Variants in FAM81B observed in about 807,000 individuals in gnomAD.
The protein encoded by FAM81B is family with sequence similarity 81 member B.
Under a neutral mutation model 58.7 loss-of-function variants are expected in FAM81B, and 60 were observed. That is an observed-to-expected ratio of 1.02 (90% CI 0.83 to 1.27). The LOEUF is 1.27. Ranked by LOEUF, FAM81B falls within the 50% of genes most tolerant of loss-of-function variation. The pLI, the probability that FAM81B is intolerant of heterozygous loss-of-function variation, is 0.00. For synonymous variants in FAM81B, 189 were observed against 179.6 expected (o/e 1.05, Z -0.42); for missense variants, 491 against 522.0 (o/e 0.94, Z 0.58).
chr5:95,403,987 A>C (rs1762179475), intron 3 of FAM81B, among the ~76,000 whole-genome samples: 1 of 152,192 alleles, frequency 6.6e-6, no homozygotes, highest in Non-Finnish European at 1.5e-5. Flanking sequence ...GGTATCTGCC[A>C]TACTGAGAAC....
At chr5:95,412,849 A>G (rs979015856) in intron 3 of FAM81B, among the ~76,000 whole-genome samples, 8 of 152,186 alleles carry the variant, frequency 5.3e-5, no homozygotes, top group Non-Finnish European at 1.5e-5. Context: ...AAAGATGGGG[A>G]CGATTTTCAA....
intron 3 of FAM81B, among the ~76,000 whole-genome samples, chr5:95,401,174 A>T (rs553975242): frequency 6.6e-6 from 1 of 152,188 alleles, no homozygotes; most frequent in Non-Finnish European, 1.5e-5. Flanking sequence ...TTGCAATCTT[A>T]CTAAAAATTT....
At chr5:95,427,253 G>A (rs189142164) in intron 5 of FAM81B, among the ~76,000 whole-genome samples, 132 of 152,186 alleles carry the variant, frequency 8.7e-4, no homozygotes, top group Non-Finnish European at 1.5e-3. Context: ...AGTCTTTGGG[G>A]GTCTTAATAT....
chr5:95,408,432 C>T (rs1328755040), intron 3 of FAM81B, among the ~76,000 whole-genome samples: 1 of 152,204 alleles, frequency 6.6e-6, no homozygotes, highest in Non-Finnish European at 1.5e-5. Context: ...GCAGCCCTCT[C>T]CTCAACATAG....
intron 3 of FAM81B, among the ~76,000 whole-genome samples, chr5:95,410,248 G>A (rs896371852): frequency 6.6e-6 from 1 of 152,172 alleles, no homozygotes; most frequent in African/African-American, 2.4e-5. Flanking sequence ...TGAGGGTAAA[G>A]GTCACATACT....
chr5:95,448,588 TC>T lies in FAM81B; in HGVS notation c.1225+126del, dbSNP rs1318186622. 10 of 889,308 alleles carry T rather than the reference TC, an allele frequency of 1.1e-5. No individual in the cohort carries two copies. The African/African-American group carries it at 1.4e-4, about 12-fold the overall frequency. 55.1% of individuals were successfully genotyped at this position (889,308 alleles called of 1,614,324 possible). A position where few individuals can be genotyped will look rare whatever the true frequency, so the allele number is the denominator to read the frequency against. On this transcript the variant is annotated intron_variant, in intron 9 of 9. Transcript: ENST00000283357. ...ATTAGTGACATCGTTATGTATTTAT[TC>T]CACTTTTCTAAATATCCTATAGAAT...
At chr5:95,432,665 C>T (rs1744949632) in intron 6 of FAM81B, among the ~76,000 whole-genome samples, 1 of 151,946 alleles carries the variant, frequency 6.6e-6, no homozygotes, top group Non-Finnish European at 1.5e-5. Flanking sequence ...CTATTTCCTT[C>T]AGATTTTGAA....
In FAM81B at chr5:95,409,349, G is replaced by A. The variant is rs982050150; in HGVS notation, c.294-4598G>A. 7.2e-5 allele frequency among the ~76,000 whole-genome samples: 11 copies of A among 151,862 alleles called. No individual in the cohort carries two copies. The East Asian group carries it at 2.1e-3, about 29-fold the overall frequency. ...AACTTTTCTATTTTTAGTAGAGATG[G>A]GGTTTCACCATGTTGGCCAGGCTGG... On this transcript the variant is annotated intron_variant, in intron 3 of 9. Coordinates refer to ENST00000283357, the MANE Select transcript of FAM81B (RefSeq NM_152548.3).
Position 95,439,236 on chromosome 5 carries a change from G to GTATATATATATATATATATA in FAM81B, c.893+2340_893+2359dup, listed in dbSNP as rs577076287. Reference sequence around the variant, plus strand: ...ATAGGCAAGCTTGCTAGGTTAAAGAGTATATATATATATATATATATATAT... The same window carrying GTATATATATATATATATATA: ...ATAGGCAAGCTTGCTAGGTTAAAGAGTATATATATATATATATATATATATATATATATATATATATATAT... On this transcript the variant is annotated intron_variant, in intron 7 of 9. Coordinates refer to ENST00000283357, the MANE Select transcript of FAM81B (RefSeq NM_152548.3). Among the ~76,000 whole-genome samples the GTATATATATATATATATATA allele has an allele frequency of 8.9e-3, 933 of 104,864 alleles. 21 individuals are homozygous for GTATATATATATATATATATA. The highest frequency in any genetic ancestry group is 0.019 in the South Asian group (49 of 2,644). 68.8% of individuals were successfully genotyped at this position (104,864 alleles called of 152,430 possible). A position where few individuals can be genotyped will look rare whatever the true frequency, so the allele number is the denominator to read the frequency against.
rs778754251 is a variant in FAM81B, at chr5:95,414,129, T to A, written c.476T>A (p.Leu159Ter). Residue 159 changes from leucine (L) to a stop codon, truncating the protein, a stop_gained, in exon 4 of 10, where the codon TTA becomes TAA. Coordinates refer to ENST00000283357, the MANE Select transcript of FAM81B (RefSeq NM_152548.3). LOFTEE classifies it high-confidence loss of function. ...AAAGAGGAATCGCTCGCCAGGAAGT[T>A]ACTGGAAAGCCACATCCAGACCATC... Reference protein sequence around the residue: ...FRKEESLARKLLESHIQTITS... With the variant: ...FRKEESLARK The A allele has an allele frequency of 2.2e-5, 36 of 1,613,948 alleles. No homozygotes were observed. The highest frequency in any genetic ancestry group is 5.0e-5 in the Admixed American group (3 of 59,980).
intron 5 of FAM81B, chr5:95,424,002 G>C (rs369043524): frequency 1.6e-6 from 2 of 1,288,584 alleles, no homozygotes; most frequent in Non-Finnish European, 1.0e-6. Context: ...ACAGCCGGGA[G>C]GTATAGCCAA....
intron 7 of FAM81B, among the ~76,000 whole-genome samples, chr5:95,443,180 G>A (rs1385116849): frequency 6.6e-6 from 1 of 152,098 alleles, no homozygotes; most frequent in Non-Finnish European, 1.5e-5. Context: ...GACCAAGGAA[G>A]GCGGACCCTG....
intron 7 of FAM81B, among the ~76,000 whole-genome samples, chr5:95,442,626 G>T (rs943618606): frequency 6.6e-6 from 1 of 152,172 alleles, no homozygotes; most frequent in Admixed American, 6.5e-5. Flanking sequence ...GACTTGGGTG[G>T]CTGGGAAACA....
intron 7 of FAM81B, 135 bp downstream of exon 7, chr5:95,437,041 G>A (rs1745132974): frequency 1.7e-6 from 1 of 596,058 alleles, no homozygotes; most frequent in Non-Finnish European, 2.9e-6. Context: ...AACTAACACA[G>A]AGAATATTTT....
At chr5:95,407,263 C>T (rs954352893) in intron 3 of FAM81B, among the ~76,000 whole-genome samples, 1 of 8,084 alleles carries the variant, frequency 1.2e-4, no homozygotes, top group Non-Finnish European at 3.7e-4. Context: ...TTCTCTTTTA[C>T]ACACACACAC....
chr5:95,449,880 A>G (rs1745732791), intron 9 of FAM81B, among the ~76,000 whole-genome samples: 2 of 152,258 alleles, frequency 1.3e-5, no homozygotes, highest in Admixed American at 1.3e-4. Flanking sequence ...CTCTCTTGCA[A>G]TATAGAATTA....
intron 5 of FAM81B, among the ~76,000 whole-genome samples, chr5:95,421,438 T>A (rs889350619): frequency 1.3e-5 from 2 of 152,210 alleles, no homozygotes; most frequent in African/African-American, 4.8e-5. Flanking sequence ...CTGTGACATG[T>A]TCATGGGCCT....
chr5:95,393,758 A>G (rs183529834), intron 2 of FAM81B, among the ~76,000 whole-genome samples: 1 of 152,326 alleles, frequency 6.6e-6, no homozygotes, highest in East Asian at 1.9e-4. Context: ...TCCACTTTAT[A>G]GGGCATTCAT....
At chr5:95,426,094 G>GTATATATATATA (rs57076025) in intron 5 of FAM81B, among the ~76,000 whole-genome samples, 1,509 of 119,760 alleles carry the variant, frequency 0.013, 13 homozygotes, top group Middle Eastern at 0.018. Context: ...ATCTCTGTGT[G>GTATATATATATA]TATATATATA....
Sources: allele counts gnomAD v4.1 joint callset (sites outside exome capture counted in the v4.1 genomes callset), GRCh38; gene constraint gnomAD v4.1.1; transcripts MANE v1.5; gene names NCBI Gene and HGNC (gene_info 2026-07-23, HGNC 2026-07-21).